Variants in ANKS1B observed in about 807,000 individuals in gnomAD.
ANKS1B encodes ankyrin repeat and sterile alpha motif domain-containing protein 1B.
ANKS1B carries 36 observed loss-of-function variants against 148.3 expected under a neutral mutation model. The observed-to-expected ratio is 0.24, with a 90% CI of 0.19 to 0.32. The LOEUF is 0.32. ANKS1B is among the 10% of genes least tolerant of loss of function. The pLI is 1.00. For synonymous variants in ANKS1B, 542 were observed against 560.8 expected (o/e 0.97, Z 0.47); for missense variants, 1,157 against 1,542.6 (o/e 0.75, Z 4.19).
At chr12:99,272,888 G>T (rs1265556319) in intron 12 of ANKS1B, among the ~76,000 whole-genome samples, 3 of 152,070 alleles carry the variant, frequency 2.0e-5, no homozygotes, top group African/African-American at 7.2e-5. Flanking sequence ...CAATGCATTT[G>T]CTATTCCACT....
At chr12:99,645,726 A>C (rs765646453) in intron 9 of ANKS1B, among the ~76,000 whole-genome samples, 4 of 152,194 alleles carry the variant, frequency 2.6e-5, no homozygotes, top group Non-Finnish European at 5.9e-5. Flanking sequence ...TGAGCTTCTC[A>C]AGTCTTGAGG....
intron 5 of ANKS1B, among the ~76,000 whole-genome samples, chr12:99,781,494 C>G (rs1406769260): frequency 6.6e-6 from 1 of 152,094 alleles, no homozygotes; most frequent in Non-Finnish European, 1.5e-5. Flanking sequence ...CTTTATTGTT[C>G]CTTCAAAGCA....
intron 9 of ANKS1B, among the ~76,000 whole-genome samples, chr12:99,578,852 T>C (rs576439409): frequency 5.3e-5 from 8 of 152,260 alleles, no homozygotes; most frequent in Admixed American, 2.6e-4. Context: ...AAAATGATTC[T>C]AAGATTTATC....
At chr12:99,914,069 G>T (rs533008541) in intron 1 of ANKS1B, among the ~76,000 whole-genome samples, 1 of 152,292 alleles carries the variant, frequency 6.6e-6, no homozygotes, top group South Asian at 2.1e-4. Flanking sequence ...AGGACCCACA[G>T]TTCTTTCTCC....
At chr12:99,558,392 GC>G (rs1259801559) in intron 9 of ANKS1B, among the ~76,000 whole-genome samples, 1 of 152,158 alleles carries the variant, frequency 6.6e-6, no homozygotes, top group Non-Finnish European at 1.5e-5. Context: ...ACACACGCAT[GC>G]CAGCATGGGA....
intron 9 of ANKS1B, among the ~76,000 whole-genome samples, chr12:99,552,271 G>GTTGGTCT (rs1365608630): frequency 1.3e-5 from 2 of 152,200 alleles, no homozygotes; most frequent in African/African-American, 4.8e-5. Flanking sequence ...AAAACAGGCA[G>GTTGGTCT]TTGGTCTTTT....
At chr12:99,236,823 A>C (rs2088057612) in intron 14 of ANKS1B, among the ~76,000 whole-genome samples, 1 of 152,216 alleles carries the variant, frequency 6.6e-6, no homozygotes, top group Non-Finnish European at 1.5e-5. Context: ...GCTGGAGACC[A>C]TTATCCTTAG....
chr12:99,056,217 TA>T lies in ANKS1B; in HGVS notation c.2626-2909del. Among the ~76,000 whole-genome samples the T allele has an allele frequency of 2.0e-5, 3 of 152,326 alleles. No homozygotes were observed. The East Asian group carries it at 5.8e-4, about 29-fold the overall frequency. On this transcript the variant is annotated intron_variant, in intron 16 of 26. Transcript: ENST00000683438. The stretch of plus-strand genomic sequence containing the variant: ...TCTCCCTCATGGAGATTATAACTCT[TA>T]ATTAAAATATGCAAACAGATGACCA...
At chr12:99,250,701 A>AATTCATTC (rs1388042281) in intron 12 of ANKS1B, among the ~76,000 whole-genome samples, 5 of 152,134 alleles carry the variant, frequency 3.3e-5, no homozygotes, top group Non-Finnish European at 5.9e-5. Flanking sequence ...ATGAAAATAT[A>AATTCATTC]AACTATATCC....
chr12:98,879,981 T>C (rs1029646755), intron 17 of ANKS1B, among the ~76,000 whole-genome samples: 1 of 152,244 alleles, frequency 6.6e-6, no homozygotes, highest in African/African-American at 2.4e-5. Flanking sequence ...TTCTTTGTTT[T>C]TCCTCTTCCT....
intron 10 of ANKS1B, among the ~76,000 whole-genome samples, chr12:99,495,678 T>C (rs1169472879): frequency 6.6e-6 from 1 of 152,228 alleles, no homozygotes; most frequent in African/African-American, 2.4e-5. Flanking sequence ...CCAGTATTTG[T>C]GTGTAAAATA....
chr12:99,241,595 CAA>C (rs2089338553), intron 14 of ANKS1B, among the ~76,000 whole-genome samples: 1 of 152,058 alleles, frequency 6.6e-6, no homozygotes, highest in African/African-American at 2.4e-5. Flanking sequence ...GACACAACAA[CAA>C]AAGAGAATTT....
chr12:99,787,116 GA>G (rs2065088026), intron 4 of ANKS1B, among the ~76,000 whole-genome samples: 1 of 152,174 alleles, frequency 6.6e-6, no homozygotes, highest in Non-Finnish European at 1.5e-5. Flanking sequence ...CTGGATGATA[GA>G]TTTTTTTAAG....
chr12:99,077,292 G>A (rs1356153394), intron 16 of ANKS1B, among the ~76,000 whole-genome samples: 1 of 152,166 alleles, frequency 6.6e-6, no homozygotes, highest in Non-Finnish European at 1.5e-5. Flanking sequence ...TTTAACTGAT[G>A]TCCACTGGGT....
At chr12:99,715,600 C>A (rs371314391) in intron 8 of ANKS1B, among the ~76,000 whole-genome samples, 1 of 152,138 alleles carries the variant, frequency 6.6e-6, no homozygotes, top group East Asian at 1.9e-4. Context: ...AATTTGGTGC[C>A]GTGACTCGGA....
chr12:99,121,144 T>C (rs1264550062), intron 15 of ANKS1B, among the ~76,000 whole-genome samples: 1 of 152,002 alleles, frequency 6.6e-6, no homozygotes, highest in Non-Finnish European at 1.5e-5. Context: ...AGGTTTTAAT[T>C]TGGGGACTAG....
chr12:99,071,316 T>C (rs2046199379), intron 16 of ANKS1B, among the ~76,000 whole-genome samples: 1 of 152,242 alleles, frequency 6.6e-6, no homozygotes, highest in African/African-American at 2.4e-5. Flanking sequence ...ATGCCATTGA[T>C]GGAAAATAAG....
At chr12:99,702,726 G>GCC (rs1555555185) in intron 8 of ANKS1B, among the ~76,000 whole-genome samples, 5 of 116,564 alleles carry the variant, frequency 4.3e-5, no homozygotes, top group African/African-American at 3.5e-5. Context: ...TTTTTTTTTT[G>GCC]TAGAGGCAGA....
intron 9 of ANKS1B, among the ~76,000 whole-genome samples, chr12:99,587,542 A>C (rs1014925578): frequency 1.3e-5 from 2 of 152,190 alleles, no homozygotes; most frequent in African/African-American, 4.8e-5. Flanking sequence ...TCAAACTTCT[A>C]TATTTGATAA....
Sources: gnomAD v4.1 joint callset for allele counts (sites outside exome capture counted in the v4.1 genomes callset) on GRCh38, gnomAD v4.1.1 for gene constraint, MANE v1.5 for transcripts, NCBI Gene and HGNC (gene_info 2026-07-23, HGNC 2026-07-21) for gene names.